CHKB: variants seen among roughly 807,000 people sequenced by gnomAD.
The protein encoded by CHKB is choline/ethanolamine kinase.
CHKB carries 45 observed loss-of-function variants against 57.3 expected under a neutral mutation model. The ratio of observed to expected loss-of-function variants is 0.79; its 90% CI spans 0.62 to 1.01. The LOEUF (loss-of-function observed/expected upper bound fraction) is 1.01. Among genes scored for constraint, CHKB ranks in the 50% least tolerant of loss-of-function variants. The pLI is 0.00. For missense variants in CHKB, 517 were observed against 502.8 expected (o/e 1.03, Z -0.27); for synonymous variants, 224 against 201.8 (o/e 1.11, Z -0.93).
intron 8 of CHKB, 39 bp downstream of exon 8, chr22:50,579,935 A>C (rs1569052607): frequency 6.2e-7 from 1 of 1,601,082 alleles, no homozygotes; most frequent in Non-Finnish European, 8.6e-7. Flanking sequence ...CTCCTTCCTC[A>C]CAGGATGGGT....
Position 50,579,105 on chromosome 22 carries a change from C to T in CHKB, c.*76G>A, listed in dbSNP as rs2070609908. On this transcript the variant is annotated 3_prime_UTR_variant, in exon 11 of 11. Transcript: ENST00000406938. ...GGGGGCTCAGCCCAGTCGCCAGGGC[C>T]TTCTGCTCGTTGTTCCTCCCTCCAA... 8 of 1,426,832 alleles carry T rather than the reference C, an allele frequency of 5.6e-6. No individual in the cohort carries two copies. The highest frequency in any genetic ancestry group is 1.2e-5 in the South Asian group (1 of 82,930). 88.4% of individuals were successfully genotyped at this position (1,426,832 alleles called of 1,614,324 possible). A position where few individuals can be genotyped will look rare whatever the true frequency, so the allele number is the denominator to read the frequency against.
At chr22:50,582,465 G>A (rs763126650) in intron 1 of CHKB, 93 bp downstream of exon 1, 2 of 1,479,166 alleles carry the variant, frequency 1.4e-6, no homozygotes, top group Non-Finnish European at 1.8e-6. Context: ...GCGGGCGCAA[G>A]AGGGGGGCGA....
At position 50,580,528 on chromosome 22, in the gene CHKB, A is replaced by G. The variant is rs754819467; in HGVS notation, c.677+37T>C. ...CCCTCAGCAACTACTGGAAGGGCGG[A>G]CACCATTACCATTAGCCTTGTCCTG... On this transcript the variant is annotated intron_variant, in intron 5 of 10. Coordinates refer to ENST00000406938, the MANE Select transcript of CHKB (RefSeq NM_005198.5). 12 of 1,612,266 alleles carry G rather than the reference A, an allele frequency of 7.4e-6. No individual in the cohort carries two copies. The South Asian group carries it at 1.3e-4, about 18-fold the overall frequency.
chr22:50,582,548 G>C lies in CHKB; in HGVS notation c.224+10C>G, dbSNP rs1204705243. 1 of 1,603,908 alleles carries C rather than the reference G, an allele frequency of 6.2e-7. No individual in the cohort carries two copies. Among genetic ancestry groups the C allele is most frequent in the South Asian group, 1.1e-5 (1 of 89,944 alleles). ...CCGCGCACCGGAGAGGCTGACCCCTGACCTCCCACCTCACGGGGTAAACCC... is the reference window on the plus strand; with the variant it reads ...CCGCGCACCGGAGAGGCTGACCCCTCACCTCCCACCTCACGGGGTAAACCC... On this transcript the variant is annotated intron_variant, in intron 1 of 10. Transcript: ENST00000406938.
Position 50,580,248 on chromosome 22 carries a change from G to T in CHKB, c.760C>A (p.Pro254Thr). The change falls in exon 7 of 11, where the codon CCA becomes ACA. Residue 254 changes from proline to threonine, a missense_variant. Pro to Thr is a conservative substitution (Grantham distance 38). Transcript: ENST00000406938. ...AGCATGAGGCTGTCAGCATTTTCTG[G>T]CTCTGAGAGCAGCAAGATGTTCCCT... ...QEGNILLLSEPENADSLMLVD... is the reference protein window; with the variant it reads ...QEGNILLLSETENADSLMLVD... 1 of 1,613,996 alleles carries T rather than the reference G, an allele frequency of 6.2e-7. No homozygotes were observed.
intron 1 of CHKB, 96 bp from the exon 2 acceptor site, chr22:50,582,453 G>A: frequency 6.8e-7 from 1 of 1,464,492 alleles, no homozygotes; most frequent in Non-Finnish European, 9.1e-7. Context: ...CCCGCCCCAG[G>A]CGCGGGCGCA....
Position 50,582,567 on chromosome 22 carries a change from T to A in CHKB, c.215A>T (p.Tyr72Phe). The change falls in exon 1 of 11, where the codon TAC (tyrosine) becomes TTC (phenylalanine). Residue 72 changes from tyrosine to phenylalanine, a missense_variant. By Grantham distance (22) the Tyr-to-Phe change is conservative. Transcript: ENST00000406938. ...RRVQPEELRVYPVSGGLSNLL... is the reference protein window; with the variant it reads ...RRVQPEELRVFPVSGGLSNLL... The stretch of plus-strand genomic sequence containing the variant: ...ACCCCTGACCTCCCACCTCACGGGG[T>A]AAACCCTCAGCTCCTCGGGCTGCAC... 1 of 1,608,696 alleles carries A rather than the reference T, an allele frequency of 6.2e-7. No individual in the cohort carries two copies. The highest frequency in any genetic ancestry group is 1.1e-5 in the South Asian group (1 of 90,642).
In CHKB at chr22:50,581,793, G is replaced by C. The variant is rs1464056674; in HGVS notation, c.403C>G (p.Leu135Val). ...ILAERSLGPQ[L>V]YGVFPEGRLE... is the part of the protein sequence containing the mutation. ...CGGCCCTCTGGGAAGACTCCGTACA[G>C]CTGGGGCCCCAGCGACCGCTCCGCA... is the stretch of plus-strand genomic sequence containing the variant. The change falls in exon 3 of 11, where the codon CTG becomes GTG. Residue 135 changes from leucine to valine, a missense_variant. Coordinates refer to ENST00000406938, the MANE Select transcript of CHKB (RefSeq NM_005198.5). The C allele has an allele frequency of 5.0e-6, 8 of 1,613,980 alleles. No homozygotes were observed. Among genetic ancestry groups the C allele is most frequent in the Non-Finnish European group, 6.8e-6 (8 of 1,180,022 alleles).
intron 9 of CHKB, 103 bp from the exon 10 acceptor site, chr22:50,579,610 C>G (rs1019660259): frequency 6.7e-7 from 1 of 1,492,760 alleles, no homozygotes; most frequent in East Asian, 2.3e-5. Context: ...AACTTCTCCC[C>G]CACTGTCCTA....
chr22:50,580,371 A>G lies in CHKB; in HGVS notation c.723T>C (p.Asn241=). The change falls in exon 6 of 11, where the codon AAT becomes AAC. Residue 241 remains asparagine, a synonymous_variant. Coordinates refer to ENST00000406938, the MANE Select transcript of CHKB (RefSeq NM_005198.5). The part of the protein sequence containing the change: ...STPSPVVFCH[N]DIQEGNILLL... ...GCCTTCTCCTACCTTCCTGGATGTC[A>G]TTGTGGCAGAAGACGACTGGCGATG... The G allele has an allele frequency of 6.2e-7, 1 of 1,613,938 alleles. No individual in the cohort carries two copies. Among genetic ancestry groups the G allele is most frequent in the Non-Finnish European group, 8.5e-7 (1 of 1,180,010 alleles).
chr22:50,581,703 G>T (rs368201426), intron 3 of CHKB, 46 bp downstream of exon 3: 2 of 1,588,446 alleles, frequency 1.3e-6, no homozygotes, highest in South Asian at 1.1e-5. Context: ...GTAGGGTTAG[G>T]GGGTGGAGGT....
chr22:50,579,427 A>C lies in CHKB; in HGVS notation c.1112T>G (p.Leu371Trp). ...ATTCCCATCCCCAGGGTCACTTACC[A>C]AGTAACCAAATTCTATGGTGGACAT... The part of the protein sequence containing the change: ...ASMSTIEFGY[L>W]DYAQSRFQFY... Residue 371 changes from leucine to tryptophan, a missense_variant and splice_region_variant, in exon 10 of 11, where the codon TTG becomes TGG. Leu to Trp is a moderately conservative substitution (Grantham distance 61). Coordinates refer to ENST00000406938, the MANE Select transcript of CHKB (RefSeq NM_005198.5). The C allele has an allele frequency of 6.2e-7, 1 of 1,613,016 alleles. No individual in the cohort carries two copies. Among genetic ancestry groups the C allele is most frequent in the Non-Finnish European group, 8.5e-7 (1 of 1,179,714 alleles).
In CHKB at chr22:50,580,645, G is replaced by A. The variant is rs146409721; in HGVS notation, c.597C>T (p.Ile199=). The change falls in exon 5 of 11, where the codon ATC becomes ATT. Residue 199 remains isoleucine, a synonymous_variant. Coordinates refer to ENST00000406938, the MANE Select transcript of CHKB (RefSeq NM_005198.5). ...GGAGGCCAGTTGGGGGCAGGTCCTG[G>A]ATCTGTTTTAGGTACCTGAAGCCCA... ...FGTMERYLKQ[I]QDLPPTGLPE... 6.6e-4 allele frequency: 1,066 copies of A among 1,614,058 alleles called. 2 individuals carry two copies. The highest frequency in any genetic ancestry group is 8.7e-4 in the Non-Finnish European group (1,028 of 1,180,024).
chr22:50,581,943 G>T, intron 2 of CHKB, 81 bp from the exon 3 acceptor site: 2 of 1,242,892 alleles, frequency 1.6e-6, no homozygotes, highest in Non-Finnish European at 2.4e-6. Flanking sequence ...TCCCACCAGA[G>T]CTGCGACTTC....
Position 50,580,092 on chromosome 22 carries a change from T to C in CHKB, c.819-10A>G, listed in dbSNP as rs780230314. 6.2e-7 allele frequency: 1 copy of C among 1,613,620 alleles called. No individual in the cohort carries two copies. Among genetic ancestry groups the C allele is most frequent in the East Asian group, 2.2e-5 (1 of 44,888 alleles). The stretch of plus-strand genomic sequence containing the variant: ...CCCAATGTCAAAGCCCCTGGGAGAA[T>C]AAGGTGGACATTCAGTCCCCAAATG... On this transcript the variant is annotated splice_polypyrimidine_tract_variant and intron_variant, in intron 7 of 10. Coordinates refer to ENST00000406938, the MANE Select transcript of CHKB (RefSeq NM_005198.5).
Position 50,579,142 on chromosome 22 carries a change from G to A in CHKB, c.*39C>T. The A allele has an allele frequency of 6.3e-7, 1 of 1,593,690 alleles. No individual in the cohort carries two copies. The highest frequency in any genetic ancestry group is 8.6e-7 in the Non-Finnish European group (1 of 1,164,832). ...GTTCCTCCCTCCAAGGTCCTGCCCTGGAGGCTCCAGGAGAAATCCAAGGAG... is the reference window on the plus strand; with the variant it reads ...GTTCCTCCCTCCAAGGTCCTGCCCTAGAGGCTCCAGGAGAAATCCAAGGAG... On this transcript the variant is annotated 3_prime_UTR_variant, in exon 11 of 11. Transcript: ENST00000406938.
At chr22:50,582,486 C>G (rs1290611652) in intron 1 of CHKB, 72 bp downstream of exon 1, 1 of 1,504,696 alleles carries the variant, frequency 6.6e-7, no homozygotes, top group African/African-American at 1.4e-5. Context: ...AAACATGGAG[C>G]ATCCTGAGGG....
rs2070691030 is a variant in CHKB at position 50,581,533 on chromosome 22, T to C, written c.468A>G (p.Gln156=). Residue 156 remains glutamine, a synonymous_variant, in exon 4 of 11, where the codon CAA becomes CAG. Coordinates refer to ENST00000406938, the MANE Select transcript of CHKB (RefSeq NM_005198.5). ...CTGACAACACTGGCTCTCGAAGCTC[T>C]TGAGTTTTCAATGGCCGACTCTGCA... ...QYIPSRPLKT[Q]ELREPVLSAA... is the part of the protein sequence containing the mutation. The C allele has an allele frequency of 1.2e-6, 2 of 1,613,936 alleles. No homozygotes were observed. Among genetic ancestry groups the C allele is most frequent in the Non-Finnish European group, 8.5e-7 (1 of 1,180,014 alleles).
Position 50,580,291 on chromosome 22 carries a change from T to G in CHKB, c.737-20A>C. On this transcript the variant is annotated intron_variant, in intron 6 of 10. Coordinates refer to ENST00000406938, the MANE Select transcript of CHKB (RefSeq NM_005198.5). ...TGTTCCCTGGGGGAATGGGGTGAGGTTCTGCTCACTCCAGAGCCCTCTGGC... is the reference window on the plus strand; with the variant it reads ...TGTTCCCTGGGGGAATGGGGTGAGGGTCTGCTCACTCCAGAGCCCTCTGGC... 1.9e-6 allele frequency: 3 copies of G among 1,613,516 alleles called. No individual in the cohort carries two copies. The highest frequency in any genetic ancestry group is 2.5e-6 in the Non-Finnish European group (3 of 1,179,664).
Sources: gnomAD v4.1 joint callset for allele counts on GRCh38, gnomAD v4.1.1 for gene constraint, MANE v1.5 for transcripts, NCBI Gene and HGNC (gene_info 2026-07-23, HGNC 2026-07-21) for gene names.